Variants in SPATA13 observed in about 807,000 individuals in gnomAD.
SPATA13 encodes spermatogenesis associated 13.
A neutral mutation model predicts 104.0 loss-of-function variants in SPATA13; 50 were observed. The observed-to-expected ratio is 0.48, with a 90% CI of 0.38 to 0.61. The LOEUF (loss-of-function observed/expected upper bound fraction) is 0.61. Among genes scored for constraint, SPATA13 ranks in the 20% least tolerant of loss-of-function variants. The pLI, the probability that SPATA13 is intolerant of heterozygous loss-of-function variation, is 0.00. For missense variants in SPATA13, 1,524 were observed against 1,690.6 expected (o/e 0.90, Z 1.73); for synonymous variants, 606 against 667.5 (o/e 0.91, Z 1.42).
At chr13:24,282,821 A>G (rs756744024) in intron 4 of SPATA13, among the ~76,000 whole-genome samples, 2 of 152,264 alleles carry the variant, frequency 1.3e-5, no homozygotes, top group Non-Finnish European at 2.9e-5. Context: ...AAAGAAGGAC[A>G]TGAAGCTCAG....
chr13:24,205,029 C>A lies in SPATA13; in HGVS notation c.-111-17790C>A, dbSNP rs77434528. ...GAAGGATTCCCCTTGAAAACCGACA[C>A]AAGACAAGAATGGCCTCTCTCTCAC... On this transcript the variant is annotated intron_variant, in intron 1 of 12. Coordinates refer to ENST00000382108, the MANE Select transcript of SPATA13 (RefSeq NM_001166271.3). This position sits in a 1 kb window ranked among gnomAD's most constrained non-coding sequence, Gnocchi z 4.1. Among the ~76,000 whole-genome samples the A allele has an allele frequency of 1.1e-3, 161 of 152,300 alleles. 1 individual carries two copies. The highest frequency in any genetic ancestry group is 3.8e-3 in the African/African-American group (157 of 41,574).
At chr13:23,996,347 A>C (rs900527835) in intron 2 of SPATA13, among the ~76,000 whole-genome samples, 1 of 151,998 alleles carries the variant, frequency 6.6e-6, no homozygotes, top group Non-Finnish European at 1.5e-5. Flanking sequence ...AAGGGCATAA[A>C]ATTCAGATAA....
At chr13:24,175,041 T>G (rs562467080) in intron 1 of SPATA13, among the ~76,000 whole-genome samples, 1 of 152,338 alleles carries the variant, frequency 6.6e-6, no homozygotes, top group South Asian at 2.1e-4. Flanking sequence ...TCAATTCTTT[T>G]AAATTTGTTG....
chr13:24,225,181 C>T (rs1453862437), intron 2 of SPATA13, among the ~76,000 whole-genome samples: 2 of 152,250 alleles, frequency 1.3e-5, no homozygotes, highest in Non-Finnish European at 2.9e-5. Context: ...AGATCCCATG[C>T]CTGCCAAGGG....
intron 3 of SPATA13, among the ~76,000 whole-genome samples, chr13:24,100,909 T>C (rs1880237766): frequency 6.6e-6 from 1 of 152,206 alleles, no homozygotes; most frequent in African/African-American, 2.4e-5. Context: ...CATTCATGCG[T>C]TCTCTTGATA....
At chr13:24,285,129 C>T (rs1442256003) in intron 5 of SPATA13, among the ~76,000 whole-genome samples, 6 of 152,140 alleles carry the variant, frequency 3.9e-5, no homozygotes, top group South Asian at 2.1e-4. Context: ...TGATGTGTAT[C>T]GTTGGGCGCT....
intron 3 of SPATA13, among the ~76,000 whole-genome samples, chr13:24,049,364 A>G (rs570189081): frequency 4.0e-4 from 61 of 152,250 alleles, no homozygotes; most frequent in Non-Finnish European, 6.5e-4. Context: ...TACTCAGTAC[A>G]GTAACGTGTG....
At chr13:24,185,130 G>A (rs768472013) in intron 1 of SPATA13, among the ~76,000 whole-genome samples, 10 of 152,306 alleles carry the variant, frequency 6.6e-5, no homozygotes, top group South Asian at 2.1e-4. Context: ...CTCCTTGTGT[G>A]CCACCTTTCC....
intron 4 of SPATA13, chr13:24,273,093 C>A (rs373482330): frequency 2.0e-5 from 3 of 152,824 alleles, no homozygotes; most frequent in African/African-American, 7.2e-5. Flanking sequence ...GGACGAGCAG[C>A]TCCTGGCTAG....
intron 2 of SPATA13, among the ~76,000 whole-genome samples, chr13:24,245,414 T>G (rs1873064757): frequency 6.6e-6 from 1 of 152,202 alleles, no homozygotes; most frequent in Non-Finnish European, 1.5e-5. Context: ...TCCTCTATCC[T>G]TCTCTTTGTA....
intron 4 of SPATA13, among the ~76,000 whole-genome samples, chr13:24,256,666 A>T (rs1252623383): frequency 6.6e-6 from 1 of 151,764 alleles, no homozygotes; most frequent in African/African-American, 2.4e-5. Flanking sequence ...CCTTTCTCTC[A>T]CCACTTTTCT....
intron 9 of SPATA13, among the ~76,000 whole-genome samples, chr13:24,292,922 G>A (rs1305324758): frequency 6.7e-6 from 1 of 148,874 alleles, no homozygotes; most frequent in African/African-American, 2.5e-5. Context: ...CTTGAACCCA[G>A]GAGGCGGAGG....
At chr13:24,152,399 A>G (rs1051822211) in intron 3 of SPATA13, among the ~76,000 whole-genome samples, 2 of 152,246 alleles carry the variant, frequency 1.3e-5, no homozygotes, top group Non-Finnish European at 2.9e-5. Flanking sequence ...CTGCTCAAGG[A>G]CATGGCCACT....
chr13:24,202,046 C>T (rs1342667141), intron 1 of SPATA13, among the ~76,000 whole-genome samples: 2 of 151,248 alleles, frequency 1.3e-5, no homozygotes, highest in African/African-American at 4.9e-5. Flanking sequence ...TTTCTCCAGC[C>T]TGGGGGACAG....
At chr13:24,206,199 A>G (rs191086616) in intron 1 of SPATA13, among the ~76,000 whole-genome samples, 120 of 152,334 alleles carry the variant, frequency 7.9e-4, no homozygotes, top group Non-Finnish European at 1.3e-3. Context: ...AACATCCAAC[A>G]TCTACAAGGA....
chr13:24,117,789 A>G (rs1417449525), intron 3 of SPATA13, among the ~76,000 whole-genome samples: 2 of 152,226 alleles, frequency 1.3e-5, no homozygotes, highest in Non-Finnish European at 2.9e-5. Flanking sequence ...TGTTTGGGCT[A>G]TGTAAATTCT....
chr13:24,141,395 C>T (rs1010854153), intron 3 of SPATA13, among the ~76,000 whole-genome samples: 1 of 152,080 alleles, frequency 6.6e-6, no homozygotes, highest in Non-Finnish European at 1.5e-5. Context: ...CACTTGTTGA[C>T]GTTGGGCCTT....
At chr13:24,006,748 G>A (rs186699441) in intron 2 of SPATA13, among the ~76,000 whole-genome samples, 66 of 152,256 alleles carry the variant, frequency 4.3e-4, no homozygotes, top group African/African-American at 1.4e-3. Flanking sequence ...GGAGAGCACC[G>A]GGACACGCAG....
intron 1 of SPATA13, among the ~76,000 whole-genome samples, chr13:24,183,149 C>T (rs537308270): frequency 6.6e-6 from 1 of 152,340 alleles, no homozygotes; most frequent in East Asian, 1.9e-4. Context: ...CACTCTCTCA[C>T]TGAGTCTAAA....
Sources: gnomAD v4.1 joint callset for allele counts (sites outside exome capture counted in the v4.1 genomes callset) on GRCh38, gnomAD v4.1.1 for gene constraint, Gnocchi (gnomAD v3.1) non-coding constraint, MANE v1.5 for transcripts, NCBI Gene and HGNC (gene_info 2026-07-23, HGNC 2026-07-21) for gene names.